Variants in AKT3 observed in about 807,000 individuals in gnomAD.
AKT3 encodes RAC-gamma serine/threonine-protein kinase.
Under a neutral mutation model 65.3 loss-of-function variants are expected in AKT3, and 15 were observed. The observed-to-expected ratio is 0.23, with a 90% CI of 0.15 to 0.35. AKT3 has a LOEUF of 0.35. AKT3 is among the 10% of genes least tolerant of loss of function. AKT3 has a pLI of 1.00. For synonymous variants in AKT3, 206 were observed against 183.8 expected (o/e 1.12, Z -0.98); for missense variants, 243 against 576.5 (o/e 0.42, Z 5.92).
At chr1:243,604,544 T>G (rs1677253090) in intron 8 of AKT3, among the ~76,000 whole-genome samples, 1 of 152,220 alleles carries the variant, frequency 6.6e-6, no homozygotes, top group Admixed American at 6.5e-5. Context: ...AGGAATGCTC[T>G]CCTTCCCAAC....
At chr1:243,818,246 T>C (rs913912350) in intron 2 of AKT3, 3 of 152,248 alleles carry the variant, frequency 2.0e-5, no homozygotes. Context: ...AAGTCATTAT[T>C]ACATAATTTA....
chr1:243,708,302 T>C (rs1320189402), intron 2 of AKT3, among the ~76,000 whole-genome samples: 1 of 151,908 alleles, frequency 6.6e-6, no homozygotes, highest in Non-Finnish European at 1.5e-5. Context: ...CTCAAATAAA[T>C]AATTTTGAGT....
At chr1:243,774,160 T>C (rs1182954576) in intron 2 of AKT3, among the ~76,000 whole-genome samples, 1 of 152,196 alleles carries the variant, frequency 6.6e-6, no homozygotes, top group Non-Finnish European at 1.5e-5. Flanking sequence ...ATAAATTCAT[T>C]GAAAATTCAT....
rs527490928 is a variant in AKT3, at chr1:243,531,560, G to A, written c.1251+13950C>T. 5.3e-5 allele frequency among the ~76,000 whole-genome samples: 8 copies of A among 152,152 alleles called. 1 individual carries two copies. The highest frequency in any genetic ancestry group is 5.2e-4 in the Admixed American group (8 of 15,278). On this transcript the variant is annotated intron_variant, in intron 12 of 13. Transcript: ENST00000673466. ...TTCAGTTTTTGTAGTACGGTATTCT[G>A]TAAATATCCTCAGTATTTTGTTTTT...
rs1039862635 is a variant in AKT3, at chr1:243,541,999, T to C, written c.1251+3511A>G. On this transcript the variant is annotated intron_variant, in intron 12 of 13. Transcript: ENST00000673466. ...ACAAAATTTGTGTAAGACTTAAACA[T>C]TGAAAATTACAAAACATTACTGTGA... 5.9e-5 allele frequency among the ~76,000 whole-genome samples: 9 copies of C among 152,150 alleles called. No homozygotes were observed. In the South Asian group the frequency reaches 1.2e-3, roughly 21 times the overall value.
chr1:243,708,684 T>C (rs746383928), intron 2 of AKT3, among the ~76,000 whole-genome samples: 4 of 152,112 alleles, frequency 2.6e-5, no homozygotes, highest in Non-Finnish European at 5.9e-5. Context: ...AAAAAGTATA[T>C]AAGAATTTTA....
intron 11 of AKT3, among the ~76,000 whole-genome samples, chr1:243,550,789 C>CAAAAA (rs60834632): frequency 0.069 from 2,333 of 33,612 alleles, 403 homozygotes; most frequent in Non-Finnish European, 0.091. Flanking sequence ...ACTAAAATAC[C>CAAAAA]AAAAAAAAAA....
intron 2 of AKT3, among the ~76,000 whole-genome samples, chr1:243,743,642 A>T (rs1277845621): frequency 6.6e-6 from 1 of 152,178 alleles, no homozygotes; most frequent in African/African-American, 2.4e-5. Context: ...GTGTCATAAA[A>T]TTTTTTTAGT....
chr1:243,700,809 G>A (rs1355576838), intron 2 of AKT3, among the ~76,000 whole-genome samples: 5 of 152,026 alleles, frequency 3.3e-5, no homozygotes, highest in Non-Finnish European at 7.4e-5. Flanking sequence ...GCCAGGCTTA[G>A]TCTTTAATAA....
intron 13 of AKT3, among the ~76,000 whole-genome samples, chr1:243,494,104 A>C (rs1409807148): frequency 6.6e-6 from 1 of 152,242 alleles, no homozygotes; most frequent in East Asian, 1.9e-4. Flanking sequence ...TGGCGCTTGA[A>C]TAGAACAGCA....
intron 5 of AKT3, among the ~76,000 whole-genome samples, chr1:243,641,972 G>A (rs1196646944): frequency 6.6e-6 from 1 of 151,838 alleles, no homozygotes; most frequent in Non-Finnish European, 1.5e-5. Context: ...TAGTAAAATT[G>A]CAATTCTTAG....
intron 3 of AKT3, among the ~76,000 whole-genome samples, chr1:243,665,123 C>T (rs542672379): frequency 1.8e-4 from 27 of 152,306 alleles, no homozygotes; most frequent in African/African-American, 6.0e-4. Context: ...CACATCTTAA[C>T]TCTTTCATTT....
intron 2 of AKT3, among the ~76,000 whole-genome samples, chr1:243,766,174 C>T (rs1403817942): frequency 6.6e-6 from 1 of 152,034 alleles, no homozygotes; most frequent in Non-Finnish European, 1.5e-5. Flanking sequence ...AGAGCAAAGG[C>T]TTAAGGTTTG....
chr1:243,656,503 T>C (rs1260106987), intron 4 of AKT3, among the ~76,000 whole-genome samples: 8 of 152,100 alleles, frequency 5.3e-5, no homozygotes, highest in African/African-American at 9.7e-5. Flanking sequence ...CTAACAATAA[T>C]AAAAGTTTGT....
At chr1:243,572,754 C>T (rs1378050119) in intron 9 of AKT3, among the ~76,000 whole-genome samples, 172 bp downstream of exon 9, 1 of 152,172 alleles carries the variant, frequency 6.6e-6, no homozygotes, top group East Asian at 1.9e-4. Context: ...CAACTACATA[C>T]ATGTTAGTGA....
At chr1:243,831,533 A>G (rs1694507322) in intron 2 of AKT3, among the ~76,000 whole-genome samples, 1 of 152,248 alleles carries the variant, frequency 6.6e-6, no homozygotes, top group Admixed American at 6.5e-5. Flanking sequence ...GTGCAGGGCT[A>G]TCACACATCA....
intron 2 of AKT3, among the ~76,000 whole-genome samples, chr1:243,803,428 T>C (rs1050380003): frequency 1.3e-5 from 2 of 152,126 alleles, no homozygotes; most frequent in Non-Finnish European, 2.9e-5. Context: ...TTCATTTTTG[T>C]GAAGGACTTA....
At chr1:243,742,700 AATG>A (rs1368626514) in intron 2 of AKT3, among the ~76,000 whole-genome samples, 3 of 152,196 alleles carry the variant, frequency 2.0e-5, no homozygotes, top group Admixed American at 1.3e-4. Flanking sequence ...CATTTGGTAG[AATG>A]ATAAAACAAA....
chr1:243,692,581 T>C (rs768268015), intron 3 of AKT3, among the ~76,000 whole-genome samples: 9 of 149,422 alleles, frequency 6.0e-5, no homozygotes, highest in Non-Finnish European at 1.3e-4. Flanking sequence ...AAAAAAAAAA[T>C]ACAAAAATTA....
Sources: allele counts gnomAD v4.1 joint callset (sites outside exome capture counted in the v4.1 genomes callset), GRCh38; gene constraint gnomAD v4.1.1; transcripts MANE v1.5; gene names NCBI Gene and HGNC (gene_info 2026-07-23, HGNC 2026-07-21).